Variants in UBE2L3 observed in about 807,000 individuals in gnomAD.
The protein encoded by UBE2L3 is ubiquitin conjugating enzyme E2 L3.
UBE2L3 carries 1 observed loss-of-function variant against 17.8 expected under a neutral mutation model. That is an observed-to-expected ratio of 0.06 (90% confidence interval 0.02 to 0.27). UBE2L3 has a LOEUF of 0.27. Among genes scored for constraint, UBE2L3 ranks in the 10% least tolerant of loss-of-function variants. The pLI is 1.00. For missense variants in UBE2L3, 40 were observed against 192.6 expected (o/e 0.21, Z 4.69); for synonymous variants, 44 against 68.5 (o/e 0.64, Z 1.76).
upstream of UBE2L3, among the ~76,000 whole-genome samples, chr22:21,562,843 A>G (rs966309589): frequency 2.6e-5 from 4 of 151,728 alleles, no homozygotes; most frequent in African/African-American, 9.7e-5. Flanking sequence ...CCAAGGCCTA[A>G]TAGGTGAGTG....
chr22:21,616,894 C>G (rs112231410), intron 3 of UBE2L3, among the ~76,000 whole-genome samples: 9,416 of 150,628 alleles, frequency 0.063, 412 homozygotes, highest in Non-Finnish European at 0.094. Context: ...TGTTTACATC[C>G]GCTATTGCAG....
chr22:21,578,446 C>A (rs552649529), intron 1 of UBE2L3, among the ~76,000 whole-genome samples: 1 of 151,992 alleles, frequency 6.6e-6, no homozygotes, highest in African/African-American at 2.4e-5. Context: ...AGGCAGTTCC[C>A]GTCGTGCCCA....
chr22:21,563,645 C>A (rs1467481539), upstream of UBE2L3, among the ~76,000 whole-genome samples: 1 of 142,720 alleles, frequency 7.0e-6, no homozygotes, highest in Non-Finnish European at 1.5e-5. Flanking sequence ...GGTGTGATCT[C>A]GGCTCACTGC....
At chr22:21,598,162 A>G (rs1049318563) in intron 2 of UBE2L3, among the ~76,000 whole-genome samples, 6 of 124,228 alleles carry the variant, frequency 4.8e-5, no homozygotes, top group African/African-American at 1.6e-4. Context: ...AGTTTTTTCA[A>G]TTTTGTTGAT....
At chr22:21,567,498 A>C, upstream of UBE2L3, 1 of 740,894 alleles carries the variant, frequency 1.3e-6, no homozygotes, top group Non-Finnish European at 2.1e-6. Context: ...TTATGCTCCT[A>C]CTATGTGCCA....
chr22:21,578,382 C>G (rs1341348621), intron 1 of UBE2L3, among the ~76,000 whole-genome samples: 2 of 150,514 alleles, frequency 1.3e-5, no homozygotes, highest in African/African-American at 2.4e-5. Context: ...AAAAAAAGAA[C>G]AGTCAGCATA....
chr22:21,558,393 G>C (rs1399257733), intron 1 of UBE2L3, among the ~76,000 whole-genome samples: 3 of 152,384 alleles, frequency 2.0e-5, no homozygotes, highest in Admixed American at 2.0e-4. Context: ...AGCACTTTGG[G>C]AGGCCGAGGC....
chr22:21,557,889 T>A (rs1262342778), intron 1 of UBE2L3, among the ~76,000 whole-genome samples: 1 of 152,028 alleles, frequency 6.6e-6, no homozygotes, highest in Non-Finnish European at 1.5e-5. Context: ...AGCATTATGC[T>A]CCTTGAAACA....
chr22:21,580,220 C>G (rs1266583489), intron 1 of UBE2L3, among the ~76,000 whole-genome samples: 1 of 152,168 alleles, frequency 6.6e-6, no homozygotes, highest in Non-Finnish European at 1.5e-5. Flanking sequence ...AGTGCAGGTT[C>G]TAGTCCTGGG....
intron 2 of UBE2L3, among the ~76,000 whole-genome samples, chr22:21,603,150 G>A (rs181497224): frequency 3.2e-4 from 49 of 152,222 alleles, no homozygotes; most frequent in African/African-American, 7.5e-4. Context: ...GCATTATAAT[G>A]ACTAGAAGCA....
At chr22:21,581,055 A>AT (rs576111528) in intron 1 of UBE2L3, among the ~76,000 whole-genome samples, 25,815 of 130,806 alleles carry the variant, frequency 0.2, 3,026 homozygotes, top group East Asian at 0.41. Flanking sequence ...TGCCCGGCTA[A>AT]TTTTTTTTTT....
At chr22:21,572,049 A>G (rs988582964) in intron 1 of UBE2L3, among the ~76,000 whole-genome samples, 2 of 152,088 alleles carry the variant, frequency 1.3e-5, no homozygotes, top group African/African-American at 4.8e-5. Context: ...GCCTCCCTTA[A>G]TGGTATTCTT....
At chr22:21,615,356 C>T (rs1206417390) in intron 3 of UBE2L3, among the ~76,000 whole-genome samples, 1 of 151,790 alleles carries the variant, frequency 6.6e-6, no homozygotes, top group African/African-American at 2.4e-5. Context: ...GAGATTGAGA[C>T]CATCCTGGCT....
chr22:21,560,845 G>C (rs1418199673), intron 1 of UBE2L3, among the ~76,000 whole-genome samples: 2 of 152,186 alleles, frequency 1.3e-5, no homozygotes, highest in Non-Finnish European at 2.9e-5. Context: ...CATTTGTTCT[G>C]TCATTTGGCC....
At chr22:21,605,757 C>T (rs538155743) in intron 2 of UBE2L3, among the ~76,000 whole-genome samples, 1 of 152,336 alleles carries the variant, frequency 6.6e-6, no homozygotes, top group East Asian at 1.9e-4. Context: ...CTGCACATTT[C>T]AGCCTCCCAA....
chr22:21,612,643 C>CTTTTCTTTTTTTTTTTT (rs1929552765), intron 3 of UBE2L3, among the ~76,000 whole-genome samples: 1 of 52,476 alleles, frequency 1.9e-5, no homozygotes. Flanking sequence ...CTTTTCTTTT[C>CTTTTCTTTTTTTTTTTT]TTTTTTTTTT....
chr22:21,616,338 G>A (rs550170554), intron 3 of UBE2L3, among the ~76,000 whole-genome samples: 1 of 152,104 alleles, frequency 6.6e-6, no homozygotes, highest in Non-Finnish European at 1.5e-5. Context: ...ACTGAGAGTG[G>A]GTTTTCTTTT....
At chr22:21,567,232 C>T (rs1386601693), upstream of UBE2L3, among the ~76,000 whole-genome samples, 6 of 151,942 alleles carry the variant, frequency 3.9e-5, no homozygotes, top group East Asian at 1.9e-4. Flanking sequence ...GGCAAGATCT[C>T]GGCTCACTGC....
intron 3 of UBE2L3, among the ~76,000 whole-genome samples, chr22:21,611,651 A>G (rs1929488025): frequency 6.6e-6 from 1 of 152,174 alleles, no homozygotes; most frequent in Admixed American, 6.5e-5. Context: ...GGCTGTGTGA[A>G]CATAAACATG....
Sources: gnomAD v4.1 joint callset for allele counts (sites outside exome capture counted in the v4.1 genomes callset) on GRCh38, gnomAD v4.1.1 for gene constraint, MANE v1.5 for transcripts, NCBI Gene and HGNC (gene_info 2026-07-23, HGNC 2026-07-21) for gene names.